The following ATP1B1 variants were observed in gnomAD, a reference collection of about 807,000 sequenced individuals.
ATP1B1 encodes sodium/potassium-transporting ATPase subunit beta-1.
Under a neutral mutation model 39.6 loss-of-function variants are expected in ATP1B1, and 3 were observed. That is an observed-to-expected ratio of 0.08 (90% confidence interval 0.03 to 0.20). ATP1B1 has a LOEUF of 0.20. ATP1B1 is among the 10% of genes least tolerant of loss of function. The pLI is 1.00. For missense variants in ATP1B1, 216 were observed against 371.1 expected (o/e 0.58, Z 3.43); for synonymous variants, 139 against 135.0 (o/e 1.03, Z -0.20).
At position 169,124,909 on chromosome 1, in the gene ATP1B1, G is replaced by T. The variant is rs1658055497; in HGVS notation, c.252G>T (p.Gln84His). The change falls in exon 3 of 6, where the codon CAG becomes CAT. Residue 84 changes from glutamine (Q) to histidine (H), a missense_variant. Coordinates refer to ENST00000367815, the MANE Select transcript of ATP1B1 (RefSeq NM_001677.4). Reference protein sequence around the residue: ...PPGLTQIPQIQKTEISFRPND... With the variant: ...PPGLTQIPQIHKTEISFRPND... ...GATTAACACAGATTCCTCAGATCCA[G>T]AAGACTGAAATTTCCTTTCGTCCTA... The T allele has an allele frequency of 6.2e-7, 1 of 1,613,866 alleles. No individual in the cohort carries two copies. The highest frequency in any genetic ancestry group is 1.3e-5 in the African/African-American group (1 of 74,922).
rs140243666 is a variant in ATP1B1, at chr1:169,112,633, C to T, written c.226+1135C>T. On this transcript the variant is annotated intron_variant, in intron 2 of 5. Coordinates refer to ENST00000367815, the MANE Select transcript of ATP1B1 (RefSeq NM_001677.4). ...TACCTCCTTGAATGTGGGAAGGATT[C>T]ACAGAGGAAGATCTTCAAAATACGG... Among the ~76,000 whole-genome samples, 546 of 152,318 alleles carry T rather than the reference C, an allele frequency of 3.6e-3. 1 individual carries two copies. The highest frequency in any genetic ancestry group is 5.8e-3 in the Non-Finnish European group (395 of 68,036).
chr1:169,115,208 AGG>A (rs1172412786), intron 2 of ATP1B1, among the ~76,000 whole-genome samples: 20 of 123,926 alleles, frequency 1.6e-4, no homozygotes, highest in African/African-American at 4.5e-4. Flanking sequence ...AAGAAAAAAA[AGG>A]GGGGTGGGGA....
intron 5 of ATP1B1, among the ~76,000 whole-genome samples, 157 bp downstream of exon 5, chr1:169,130,247 A>G (rs1382175899): frequency 6.6e-6 from 1 of 152,228 alleles, no homozygotes; most frequent in Non-Finnish European, 1.5e-5. Flanking sequence ...TTGTAGCTAT[A>G]CTAGGTAAAA....
intron 3 of ATP1B1, among the ~76,000 whole-genome samples, chr1:169,125,928 T>C (rs1322230568): frequency 6.6e-6 from 1 of 152,122 alleles, no homozygotes; most frequent in African/African-American, 2.4e-5. Flanking sequence ...TAAGCCATGA[T>C]CACGCCACAG....
intron 2 of ATP1B1, among the ~76,000 whole-genome samples, chr1:169,117,564 A>G (rs1230143091): frequency 2.0e-5 from 3 of 151,576 alleles, no homozygotes; most frequent in Non-Finnish European, 4.4e-5. Flanking sequence ...AATCTGTGGG[A>G]GTGATGGTGG....
chr1:169,112,596 G>A (rs1216132642), intron 2 of ATP1B1, among the ~76,000 whole-genome samples: 2 of 152,208 alleles, frequency 1.3e-5, no homozygotes, highest in Non-Finnish European at 2.9e-5. Context: ...CCTGCCACAG[G>A]CTTTTCCTGC....
chr1:169,115,326 G>A (rs1487149305), intron 2 of ATP1B1, among the ~76,000 whole-genome samples: 3 of 150,988 alleles, frequency 2.0e-5, no homozygotes, highest in East Asian at 1.9e-4. Context: ...ACTGTTGAGA[G>A]CAACTTCTGT....
chr1:169,132,556 G>T lies in ATP1B1; in HGVS notation c.*1001G>T. 1 of 430,686 alleles carries T rather than the reference G, an allele frequency of 2.3e-6. No individual in the cohort carries two copies. Among genetic ancestry groups the T allele is most frequent in the South Asian group, 7.9e-5 (1 of 12,702 alleles). The allele number at this position is 430,686 out of a possible 1,614,324, so 26.7% of individuals were successfully genotyped here. A position where few individuals can be genotyped will look rare whatever the true frequency, so the allele number is the denominator to read the frequency against. On this transcript the variant is annotated 3_prime_UTR_variant, in exon 6 of 6. Coordinates refer to ENST00000367815, the MANE Select transcript of ATP1B1 (RefSeq NM_001677.4). ...TTGTTTGAAAATAAATCTTTATTTT[G>T]AACTTTATAAAAAGCAATGCAGTAC... is the stretch of plus-strand genomic sequence containing the variant.
At chr1:169,120,543 T>C (rs1462185263) in intron 2 of ATP1B1, among the ~76,000 whole-genome samples, 2 of 152,232 alleles carry the variant, frequency 1.3e-5, no homozygotes, top group Non-Finnish European at 2.9e-5. Context: ...GCCTAGGGTC[T>C]AATCCAGCTG....
chr1:169,117,577 GA>G (rs146100522), intron 2 of ATP1B1, among the ~76,000 whole-genome samples: 25 of 148,442 alleles, frequency 1.7e-4, no homozygotes, highest in South Asian at 6.5e-4. Flanking sequence ...GATGGTGGGG[GA>G]AAAAAAAAAG....
In ATP1B1 at chr1:169,132,690, A is replaced by T; in HGVS notation, c.*1135A>T. ...TGTTGATCTTGTATTCAGTCAGGTT[A>T]AAACAACGGACAATAAAAGAATGAA... On this transcript the variant is annotated 3_prime_UTR_variant, in exon 6 of 6. Transcript: ENST00000367815. 1 of 1,204,426 alleles carries T rather than the reference A, an allele frequency of 8.3e-7. No homozygotes were observed. Among genetic ancestry groups the T allele is most frequent in the Non-Finnish European group, 1.2e-6 (1 of 829,422 alleles). The allele number at this position is 1,204,426 out of a possible 1,614,324, so 74.6% of individuals were successfully genotyped here. A position where few individuals can be genotyped will look rare whatever the true frequency, so the allele number is the denominator to read the frequency against.
At chr1:169,121,408 C>T (rs570467996) in intron 2 of ATP1B1, among the ~76,000 whole-genome samples, 1 of 152,306 alleles carries the variant, frequency 6.6e-6, no homozygotes, top group East Asian at 1.9e-4. Flanking sequence ...GTGAGAGTTG[C>T]TGATGTTTTG....
chr1:169,107,254 G>C (rs1478704078), intron 1 of ATP1B1, among the ~76,000 whole-genome samples: 1 of 152,074 alleles, frequency 6.6e-6, no homozygotes, highest in Non-Finnish European at 1.5e-5. Context: ...GGCTCTGCGA[G>C]ACTACATTTG....
intron 1 of ATP1B1, among the ~76,000 whole-genome samples, chr1:169,110,970 A>C (rs181047815): frequency 1.3e-5 from 2 of 152,374 alleles, no homozygotes; most frequent in Non-Finnish European, 2.9e-5. Flanking sequence ...ATAGGTCTCT[A>C]AGGGAGTATA....
In ATP1B1 at chr1:169,106,919, C is replaced by T; in HGVS notation, c.90C>T (p.Gly30=). 1 of 1,579,016 alleles carries T rather than the reference C, an allele frequency of 6.3e-7. No individual in the cohort carries two copies. The highest frequency in any genetic ancestry group is 8.6e-7 in the Non-Finnish European group (1 of 1,165,236). Residue 30 remains glycine, a synonymous_variant, in exon 1 of 6, where the codon GGC becomes GGT. Transcript: ENST00000367815. ...AGGAGTTTCTGGGCAGGACCGGTGG[C>T]AGTTGGTGTAAGTACGGGGTCCGCA... is the stretch of plus-strand genomic sequence containing the variant. The part of the protein sequence containing the change: ...EKKEFLGRTG[G]SWFKILLFYV...
rs890931129 is a variant in ATP1B1, at chr1:169,110,504, A to G, written c.98-866A>G. The G allele has an allele frequency of 1.3e-5, 7 of 523,306 alleles. No individual in the cohort carries two copies. The African/African-American group carries it at 1.4e-4, about 11-fold the overall frequency. The allele number at this position is 523,306 out of a possible 1,614,324, so 32.4% of individuals were successfully genotyped here. Reference sequence around the variant, plus strand: ...ACAGCCTGTTACTATGCAGCTAATCAGGGAGATAATCCTTGTAAACCAGTA... The same window carrying G: ...ACAGCCTGTTACTATGCAGCTAATCGGGGAGATAATCCTTGTAAACCAGTA... On this transcript the variant is annotated intron_variant, in intron 1 of 5. Transcript: ENST00000367815.
Position 169,130,051 on chromosome 1 carries a change from G to A in ATP1B1, c.609G>A (p.Lys203=), listed in dbSNP as rs1400628736. The A allele has an allele frequency of 1.9e-6, 3 of 1,613,956 alleles. No individual in the cohort carries two copies. The highest frequency in any genetic ancestry group is 2.2e-5 in the East Asian group (1 of 44,874). ...NESLETYPVM[K]YNPNVLPVQC... ...CCTTGGAGACTTACCCAGTGATGAA[G>A]TATAACCCAAATGTCCTTCCCGTTC... Residue 203 remains lysine (K), a synonymous_variant, in exon 5 of 6, where the codon AAG becomes AAA. Transcript: ENST00000367815.
Position 169,131,182 on chromosome 1 carries a change from T to G in ATP1B1, c.649-110T>G. 7.4e-7 allele frequency: 1 copy of G among 1,349,264 alleles called. No individual in the cohort carries two copies. Among genetic ancestry groups the G allele is most frequent in the Non-Finnish European group, 1.0e-6 (1 of 976,478 alleles). The allele number at this position is 1,349,264 out of a possible 1,614,324, so 83.6% of individuals were successfully genotyped here. Reference sequence around the variant, plus strand: ...ATGGAATAGACTGAGTAGATGTTCTTTCCTCTCTCAGTAGTTTGCAAACTA... The same window carrying G: ...ATGGAATAGACTGAGTAGATGTTCTGTCCTCTCTCAGTAGTTTGCAAACTA... On this transcript the variant is annotated intron_variant, in intron 5 of 5. Coordinates refer to ENST00000367815, the MANE Select transcript of ATP1B1 (RefSeq NM_001677.4). The surrounding 1 kb of genome is among the most constrained non-coding windows in gnomAD (Gnocchi z 4.4).
intron 2 of ATP1B1, among the ~76,000 whole-genome samples, chr1:169,120,753 C>T (rs576940138): frequency 6.6e-6 from 1 of 152,258 alleles, no homozygotes; most frequent in Non-Finnish European, 1.5e-5. Flanking sequence ...AAAATTTGGG[C>T]TTTCAGGTTG....
Sources: allele counts gnomAD v4.1 joint callset (sites outside exome capture counted in the v4.1 genomes callset), GRCh38; gene constraint gnomAD v4.1.1; non-coding constraint Gnocchi (gnomAD v3.1); transcripts MANE v1.5; gene names NCBI Gene and HGNC (gene_info 2026-07-23, HGNC 2026-07-21).